ANKMY1: variants seen among roughly 807,000 people sequenced by gnomAD.
ANKMY1 encodes the protein ankyrin repeat and MYND domain containing 1, also known as ankyrin repeat and MYND domain-containing protein 1.
A neutral mutation model predicts 102.0 loss-of-function variants in ANKMY1; 98 were observed. The ratio of observed to expected loss-of-function variants is 0.96; its 90% CI spans 0.82 to 1.14. The LOEUF (loss-of-function observed/expected upper bound fraction) is 1.14. Among genes scored for constraint, ANKMY1 ranks in the 50% most tolerant of loss-of-function variants. The pLI, the probability that ANKMY1 is intolerant of heterozygous loss-of-function variation, is 0.00. For missense variants in ANKMY1, 1,330 were observed against 1,347.6 expected, an observed-to-expected ratio of 0.99 and a Z score of 0.20; for synonymous variants, 582 against 559.9, an observed-to-expected ratio of 1.04 and a Z score of -0.56.
At chr2:240,555,305 T>G (rs901579052) in intron 2 of ANKMY1, 3 of 527,520 alleles carry the variant, frequency 5.7e-6, no homozygotes, top group South Asian at 4.9e-5. Flanking sequence ...TGCCAGGCTC[T>G]AGAGGCAGGA....
At chr2:240,559,706 C>T (rs887312264), upstream of ANKMY1, among the ~76,000 whole-genome samples, 1 of 152,224 alleles carries the variant, frequency 6.6e-6, no homozygotes, top group Non-Finnish European at 1.5e-5. Context: ...ATGTCTGGAG[C>T]TGCAACCAGG....
intron 17 of ANKMY1, among the ~76,000 whole-genome samples, chr2:240,480,488 C>T (rs1008112679): frequency 6.6e-6 from 1 of 152,248 alleles, no homozygotes. Context: ...CACACTAAGA[C>T]AGACATCTGA....
Position 240,554,923 on chromosome 2 carries a change from C to T in ANKMY1, c.279G>A (p.Gly93=). ...CAAGCTTCATGTTCAACCCAAACTC[C>T]CCCTGGTACATGCAACCATCCTGCC... ...QEWQDGCMYQ[G]EFGLNMKLGY... The change falls in exon 3 of 18, where the codon GGG becomes GGA. Residue 93 remains glycine (G), a synonymous_variant. Coordinates refer to ENST00000401804, the MANE Select transcript of ANKMY1 (RefSeq NM_001282771.3). 1 of 1,614,176 alleles carries T rather than the reference C, an allele frequency of 6.2e-7. No homozygotes were observed. The highest frequency in any genetic ancestry group is 8.5e-7 in the Non-Finnish European group (1 of 1,180,024).
chr2:240,524,222 C>G lies in ANKMY1; in HGVS notation c.1495G>C (p.Glu499Gln). ...LLLPRVSGSH[E>Q]GGHFQDTGQC... Reference sequence around the variant, plus strand: ...CCGGTGTCCTGGAAGTGGCCGCCCTCGTGGCTGCCTGAGACGCGTGGCAGG... The same window carrying G: ...CCGGTGTCCTGGAAGTGGCCGCCCTGGTGGCTGCCTGAGACGCGTGGCAGG... The change falls in exon 8 of 18, where the codon GAG becomes CAG. Residue 499 changes from glutamate (E) to glutamine (Q), a missense_variant. Coordinates refer to ENST00000401804, the MANE Select transcript of ANKMY1 (RefSeq NM_001282771.3). 1 of 1,613,832 alleles carries G rather than the reference C, an allele frequency of 6.2e-7. No individual in the cohort carries two copies. Among genetic ancestry groups the G allele is most frequent in the Non-Finnish European group, 8.5e-7 (1 of 1,180,026 alleles).
intron 4 of ANKMY1, among the ~76,000 whole-genome samples, chr2:240,535,803 C>G (rs535273414): frequency 1.1e-4 from 17 of 152,236 alleles, no homozygotes; most frequent in Non-Finnish European, 2.5e-4. Flanking sequence ...CCACTGCACT[C>G]CAGCCTGGGT....
At chr2:240,512,133 G>T in intron 10 of ANKMY1, 132 bp from the exon 11 acceptor site, 1 of 1,156,390 alleles carries the variant, frequency 8.6e-7, no homozygotes, top group Non-Finnish European at 1.1e-6. Context: ...TCTTGAAGGC[G>T]GATGCCTGAC....
intron 4 of ANKMY1, among the ~76,000 whole-genome samples, chr2:240,535,143 G>A (rs896998179): frequency 2.0e-5 from 3 of 152,214 alleles, no homozygotes; most frequent in African/African-American, 7.2e-5. Context: ...CCCTCAGGAG[G>A]TCCTCAGAAC....
chr2:240,554,625 A>G, intron 3 of ANKMY1: 1 of 508,768 alleles, frequency 2.0e-6, no homozygotes, highest in Non-Finnish European at 3.5e-6. Context: ...CAGAATAAGA[A>G]CTTATCTTCT....
intron 4 of ANKMY1, among the ~76,000 whole-genome samples, chr2:240,543,808 G>C (rs1244607382): frequency 6.6e-6 from 1 of 152,068 alleles, no homozygotes; most frequent in Non-Finnish European, 1.5e-5. Context: ...ACGTTCATTA[G>C]ATACCTAAGT....
chr2:240,511,769 T>G, intron 11 of ANKMY1, 92 bp downstream of exon 11: 62 of 1,441,626 alleles, frequency 4.3e-5, no homozygotes, highest in Non-Finnish European at 5.4e-5. Context: ...AGACTCAGCA[T>G]GAGAACACAT....
intron 13 of ANKMY1, among the ~76,000 whole-genome samples, chr2:240,501,010 A>G (rs2078087905): frequency 6.6e-6 from 1 of 151,820 alleles, no homozygotes; most frequent in African/African-American, 2.4e-5. Flanking sequence ...TTGTATGTAG[A>G]TGTGTGTGGG....
chr2:240,512,518 C>T (rs1374999814), intron 10 of ANKMY1, among the ~76,000 whole-genome samples: 1 of 152,160 alleles, frequency 6.6e-6, no homozygotes, highest in Non-Finnish European at 1.5e-5. Context: ...GATGGAGTTA[C>T]CTGCAAAAGG....
chr2:240,492,814 G>A (rs971221361), intron 15 of ANKMY1, among the ~76,000 whole-genome samples: 8 of 151,862 alleles, frequency 5.3e-5, no homozygotes, highest in African/African-American at 1.7e-4. Context: ...CCTCAGCCTC[G>A]CTAGTGGCTG....
upstream of ANKMY1, chr2:240,560,917 T>A: frequency 6.5e-7 from 1 of 1,536,110 alleles, no homozygotes; most frequent in Non-Finnish European, 8.7e-7. Flanking sequence ...GCTGAGGACC[T>A]GCTGGCGCAC....
downstream of ANKMY1, among the ~76,000 whole-genome samples, chr2:240,474,439 C>T (rs2074725995): frequency 6.6e-6 from 1 of 151,968 alleles, no homozygotes. Context: ...CTTTTAGGTT[C>T]AGGGGTACAT....
At chr2:240,532,541 G>A (rs1467479922) in intron 4 of ANKMY1, among the ~76,000 whole-genome samples, 1 of 152,178 alleles carries the variant, frequency 6.6e-6, no homozygotes, top group Non-Finnish European at 1.5e-5. Context: ...GGGCAGAGAA[G>A]GTGACAATAC....
In ANKMY1 at chr2:240,514,033, C is replaced by CG. The variant is rs2080744154; in HGVS notation, c.2005-1092dup. Among the ~76,000 whole-genome samples, 4 of 152,326 alleles carry CG rather than the reference C, an allele frequency of 2.6e-5. No individual in the cohort carries two copies. The South Asian group carries it at 8.3e-4, about 32-fold the overall frequency. On this transcript the variant is annotated intron_variant, in intron 9 of 17. Coordinates refer to ENST00000401804, the MANE Select transcript of ANKMY1 (RefSeq NM_001282771.3). ...ACAGCCCAGGCCACCAGGAGGCGCA[C>CG]GGGGCCGTGCATCTACAACAGTCAG...
chr2:240,546,614 C>G (rs1163563643), intron 4 of ANKMY1, among the ~76,000 whole-genome samples: 1 of 152,030 alleles, frequency 6.6e-6, no homozygotes. Context: ...TTCAGGAAAC[C>G]CATCCCACGT....
intron 4 of ANKMY1, among the ~76,000 whole-genome samples, chr2:240,535,469 T>C (rs1306942651): frequency 6.6e-6 from 1 of 152,040 alleles, no homozygotes; most frequent in African/African-American, 2.4e-5. Flanking sequence ...GGCTCTTAGG[T>C]GATTATCTCC....
Sources: allele counts gnomAD v4.1 joint callset (sites outside exome capture counted in the v4.1 genomes callset), GRCh38; gene constraint gnomAD v4.1.1; transcripts MANE v1.5; gene names NCBI Gene and HGNC (gene_info 2026-07-23, HGNC 2026-07-21).